FHIT: variants seen among roughly 807,000 people sequenced by gnomAD.
FHIT encodes fragile histidine triad diadenosine triphosphatase, also known as bis(5'-adenosyl)-triphosphatase.
FHIT carries 19 observed loss-of-function variants against 17.9 expected under a neutral mutation model. That is an observed-to-expected ratio of 1.06 (90% CI 0.74 to 1.56). The LOEUF (loss-of-function observed/expected upper bound fraction) is 1.56, where lower values mean the gene tolerates loss of function less well. FHIT is among the 40% of genes most tolerant of loss of function. The pLI is 0.00. For synonymous variants in FHIT, 81 were observed against 69.7 expected, an observed-to-expected ratio of 1.16 and a Z score of -0.81; for missense variants, 248 against 189.2, an observed-to-expected ratio of 1.31 and a Z score of -1.82.
At chr3:61,011,498 A>C (rs1205602715) in intron 3 of FHIT, among the ~76,000 whole-genome samples, 1 of 152,008 alleles carries the variant, frequency 6.6e-6, no homozygotes, top group Non-Finnish European at 1.5e-5. Flanking sequence ...CAACACACTA[A>C]ATGGCCCTAA....
intron 3 of FHIT, among the ~76,000 whole-genome samples, chr3:60,937,590 G>T (rs1708247562): frequency 7.5e-6 from 1 of 133,518 alleles, no homozygotes; most frequent in African/African-American, 2.8e-5. Flanking sequence ...TTGAGATGGA[G>T]TCTCACTCTG....
At chr3:60,076,986 G>A (rs1298871361) in intron 5 of FHIT, among the ~76,000 whole-genome samples, 1 of 151,916 alleles carries the variant, frequency 6.6e-6, no homozygotes, top group African/African-American at 2.4e-5. Context: ...AAGGAGAGTT[G>A]GACTGTATTT....
Position 60,416,320 on chromosome 3 carries a change from T to TA in FHIT, c.103+120539dup, listed in dbSNP as rs1294804594. Among the ~76,000 whole-genome samples the TA allele has an allele frequency of 2.0e-5, 3 of 152,268 alleles. No individual in the cohort carries two copies. In the East Asian group the frequency reaches 5.8e-4, roughly 29 times the overall value. On this transcript the variant is annotated intron_variant, in intron 5 of 9. Transcript: ENST00000492590. ...AATAAAAGGGCATTTGACAGTTTGT[T>TA]AAAAAAATTGTTTTAAATGCTGTGA...
intron 8 of FHIT, among the ~76,000 whole-genome samples, chr3:59,869,384 AC>A (rs1171973440): frequency 2.0e-5 from 3 of 152,154 alleles, no homozygotes; most frequent in African/African-American, 7.2e-5. Context: ...TTTAGACTTC[AC>A]ATTATAGAAA....
intron 8 of FHIT, among the ~76,000 whole-genome samples, chr3:59,765,991 A>G (rs1475500627): frequency 6.6e-6 from 1 of 152,196 alleles, no homozygotes; most frequent in Non-Finnish European, 1.5e-5. Context: ...AAATATACAC[A>G]CTTTAGGAAT....
chr3:60,655,739 T>A (rs192753428), intron 4 of FHIT, among the ~76,000 whole-genome samples: 73 of 152,330 alleles, frequency 4.8e-4, no homozygotes, highest in African/African-American at 1.5e-3. Flanking sequence ...AGTCCCCAAG[T>A]GCTAATTGCA....
At chr3:60,235,907 T>G (rs1173054133) in intron 5 of FHIT, among the ~76,000 whole-genome samples, 1 of 152,146 alleles carries the variant, frequency 6.6e-6, no homozygotes, top group Non-Finnish European at 1.5e-5. Flanking sequence ...GAGCGTTCAA[T>G]TGGCTCCAGG....
chr3:60,333,266 T>A lies in FHIT; in HGVS notation c.103+203594A>T, dbSNP rs540326419. On this transcript the variant is annotated intron_variant, in intron 5 of 9. Coordinates refer to ENST00000492590, the MANE Select transcript of FHIT (RefSeq NM_002012.4). ...ATGTGATTTAAAATCAATTTAATTGTGCTCTTGCTCTCCCATGAGTCAAGG... is the reference window on the plus strand; with the variant it reads ...ATGTGATTTAAAATCAATTTAATTGAGCTCTTGCTCTCCCATGAGTCAAGG... 6.6e-5 allele frequency among the ~76,000 whole-genome samples: 10 copies of A among 152,346 alleles called. No homozygotes were observed. In the South Asian group the frequency reaches 1.9e-3, roughly 28 times the overall value.
chr3:60,843,687 A>G (rs898283272), intron 3 of FHIT, among the ~76,000 whole-genome samples: 46 of 150,804 alleles, frequency 3.1e-4, no homozygotes, highest in Admixed American at 7.3e-4. Context: ...TCTTGCAAGC[A>G]TAGTAAAAAT....
intron 4 of FHIT, among the ~76,000 whole-genome samples, chr3:60,808,261 C>A (rs1701464959): frequency 6.6e-6 from 1 of 152,010 alleles, no homozygotes; most frequent in South Asian, 2.1e-4. Flanking sequence ...TTCTTTTACA[C>A]TTTTGTTTTT....
chr3:60,683,844 C>A (rs1255286245), intron 4 of FHIT, among the ~76,000 whole-genome samples: 1 of 152,116 alleles, frequency 6.6e-6, no homozygotes, highest in African/African-American at 2.4e-5. Flanking sequence ...TCAAGGAAAT[C>A]ATTTTTGGGT....
Position 60,592,251 on chromosome 3 carries a change from C to G in FHIT, c.-17-55272G>C, listed in dbSNP as rs577655675. On this transcript the variant is annotated intron_variant, in intron 4 of 9. Coordinates refer to ENST00000492590, the MANE Select transcript of FHIT (RefSeq NM_002012.4). ...ATACTATATATATTCCATATATATA[C>G]TATATATACTCTCTCTCTATATATA... Among the ~76,000 whole-genome samples the G allele has an allele frequency of 4.8e-3, 686 of 142,918 alleles. 1 individual carries two copies. The highest frequency in any genetic ancestry group is 8.5e-3 in the Admixed American group (120 of 14,178). The allele number at this position is 142,918 out of a possible 152,430, so 93.8% of individuals were successfully genotyped here.
chr3:60,005,919 G>A (rs959227275), intron 7 of FHIT, among the ~76,000 whole-genome samples: 2 of 152,180 alleles, frequency 1.3e-5, no homozygotes, highest in African/African-American at 4.8e-5. Context: ...GAGAGCAGCA[G>A]CCCCCTACAA....
In FHIT at chr3:60,034,537, T is replaced by C. The variant is rs541146165; in HGVS notation, c.104-20385A>G. The stretch of plus-strand genomic sequence containing the variant: ...TAGGCAGCCATTTGACCAAGAAATG[T>C]CCGTGGTATATCTTCGTCAACATGT... On this transcript the variant is annotated intron_variant, in intron 5 of 9. Transcript: ENST00000492590. Among the ~76,000 whole-genome samples, 32 of 152,348 alleles carry C rather than the reference T, an allele frequency of 2.1e-4. 1 individual carries two copies. In the South Asian group the frequency reaches 4.6e-3, roughly 22 times the overall value.
At chr3:60,412,102 T>A (rs985915608) in intron 5 of FHIT, among the ~76,000 whole-genome samples, 1 of 152,014 alleles carries the variant, frequency 6.6e-6, no homozygotes, top group Non-Finnish European at 1.5e-5. Context: ...AAACAGGACA[T>A]GGTGGCACAT....
intron 5 of FHIT, among the ~76,000 whole-genome samples, chr3:60,021,151 T>G (rs984665162): frequency 1.3e-5 from 2 of 152,118 alleles, no homozygotes; most frequent in African/African-American, 2.4e-5. Context: ...TCAGAGCTGG[T>G]TCTCAAGGCA....
chr3:60,875,833 T>C (rs553822924), intron 3 of FHIT, among the ~76,000 whole-genome samples: 1 of 151,762 alleles, frequency 6.6e-6, no homozygotes, highest in African/African-American at 2.4e-5. Context: ...AGGTAGTAAG[T>C]AGCAGACATA....
intron 4 of FHIT, among the ~76,000 whole-genome samples, chr3:60,666,863 T>C (rs1376389863): frequency 7.5e-5 from 3 of 39,960 alleles, no homozygotes; most frequent in South Asian, 8.0e-4. Context: ...TCTTTTCTTT[T>C]CTTTTTTTTT....
At chr3:59,896,816 G>T (rs1704092819) in intron 8 of FHIT, among the ~76,000 whole-genome samples, 1 of 152,086 alleles carries the variant, frequency 6.6e-6, no homozygotes, top group Non-Finnish European at 1.5e-5. Flanking sequence ...AGTATCAGAG[G>T]CAAGAATACG....
Sources: allele counts gnomAD v4.1 joint callset (sites outside exome capture counted in the v4.1 genomes callset), GRCh38; gene constraint gnomAD v4.1.1; transcripts MANE v1.5; gene names NCBI Gene and HGNC (gene_info 2026-07-23, HGNC 2026-07-21).